OSBPL11: variants seen among roughly 807,000 people sequenced by gnomAD.
The protein encoded by OSBPL11 is oxysterol-binding protein-related protein 11.
A neutral mutation model predicts 84.4 loss-of-function variants in OSBPL11; 33 were observed. The ratio of observed to expected loss-of-function variants is 0.39; its 90% confidence interval spans 0.30 to 0.52. OSBPL11 has a LOEUF of 0.52. Ranked by LOEUF, OSBPL11 falls within the 20% of genes least tolerant of loss-of-function variation. The pLI is 0.72. For synonymous variants in OSBPL11, 276 were observed against 310.2 expected, an observed-to-expected ratio of 0.89 and a Z score of 1.16; for missense variants, 736 against 901.1, an observed-to-expected ratio of 0.82 and a Z score of 2.35.
chr3:125,537,820 A>T (rs1414678796), intron 11 of OSBPL11, among the ~76,000 whole-genome samples: 1 of 152,174 alleles, frequency 6.6e-6, no homozygotes, highest in African/African-American at 2.4e-5. Context: ...ACCACTGTCA[A>T]CACATTTTGG....
chr3:125,563,390 G>A (rs941450326), intron 7 of OSBPL11, among the ~76,000 whole-genome samples: 22 of 152,046 alleles, frequency 1.4e-4, no homozygotes, highest in Non-Finnish European at 4.4e-5. Flanking sequence ...GACAAACATT[G>A]TGCAAATCTC....
At position 125,529,138 on chromosome 3, in the gene OSBPL11, C is replaced by G. The variant is rs1935520161; in HGVS notation, c.*1377G>C. ...CAACAGACACAGCCACCTACAATGG[C>G]TGATAAACAACAGGTATGTTACACA... On this transcript the variant is annotated 3_prime_UTR_variant, in exon 13 of 13. Coordinates refer to ENST00000296220, the MANE Select transcript of OSBPL11 (RefSeq NM_022776.5). The G allele has an allele frequency of 2.6e-5, 4 of 152,694 alleles. No individual in the cohort carries two copies. The South Asian group carries it at 8.3e-4, about 32-fold the overall frequency. 9.5% of individuals were successfully genotyped at this position (152,694 alleles called of 1,614,324 possible). A position where few individuals can be genotyped will look rare whatever the true frequency, so the allele number is the denominator to read the frequency against.
At chr3:125,542,208 C>T (rs11916040) in intron 10 of OSBPL11, among the ~76,000 whole-genome samples, 10,160 of 152,168 alleles carry the variant, frequency 0.067, 459 homozygotes, top group Non-Finnish European at 0.098. Flanking sequence ...AAAGGCAGAG[C>T]TTAGGAATTT....
chr3:125,563,589 TG>T, intron 7 of OSBPL11, 108 bp downstream of exon 7: 1 of 1,019,802 alleles, frequency 9.8e-7, no homozygotes, highest in Non-Finnish European at 1.5e-6. Flanking sequence ...TCAAGAGTGT[TG>T]CTCAGGTGTT....
At chr3:125,568,383 A>T (rs1936192583) in intron 5 of OSBPL11, among the ~76,000 whole-genome samples, 1 of 151,564 alleles carries the variant, frequency 6.6e-6, no homozygotes, top group Non-Finnish European at 1.5e-5. Context: ...GTGAGCCAAG[A>T]TCGCGCCACT....
At chr3:125,570,453 G>A (rs567623900) in intron 5 of OSBPL11, among the ~76,000 whole-genome samples, 1 of 152,162 alleles carries the variant, frequency 6.6e-6, no homozygotes, top group East Asian at 1.9e-4. Flanking sequence ...AGAGTTCGAG[G>A]CTGCAGTGAG....
chr3:125,540,328 CA>C (rs201858368), intron 10 of OSBPL11, among the ~76,000 whole-genome samples: 94 of 85,288 alleles, frequency 1.1e-3, no homozygotes, highest in African/African-American at 4.5e-3. Flanking sequence ...GGCTCTGTCT[CA>C]AAAAAAAAAA....
At chr3:125,560,261 C>A (rs941585986) in intron 8 of OSBPL11, 118 bp downstream of exon 8, 3 of 991,578 alleles carry the variant, frequency 3.0e-6, no homozygotes, top group Non-Finnish European at 4.0e-6. Flanking sequence ...AACTCCATCT[C>A]AAAAAAAATT....
Position 125,594,739 on chromosome 3 carries a change from C to T in OSBPL11, c.62G>A (p.Gly21Asp). The T allele has an allele frequency of 6.2e-7, 1 of 1,614,202 alleles. No individual in the cohort carries two copies. The highest frequency in any genetic ancestry group is 8.5e-7 in the Non-Finnish European group (1 of 1,180,044). The change falls in exon 1 of 13, where the codon GGC (glycine) becomes GAC (aspartate). Residue 21 changes from glycine to aspartate, a missense_variant. Around this residue, in one of 3 missense-constraint regions of OSBPL11, gnomAD observed 114 missense variants for 104.9 expected, o/e 1.09. Transcript: ENST00000296220. ...GTTCGGGGTCACCGCTGTGGCCTGG[C>T]CCTCCAGCTTTCCTTCGCTCTCCGA... ...KVSESEGKLE[G>D]QATAVTPNKN...
chr3:125,585,150 C>T (rs947202360), intron 1 of OSBPL11, among the ~76,000 whole-genome samples: 2 of 151,928 alleles, frequency 1.3e-5, no homozygotes, highest in Non-Finnish European at 2.9e-5. Flanking sequence ...TTTTTAATTG[C>T]GACAGAGTCT....
chr3:125,556,598 G>A (rs1241242511), intron 8 of OSBPL11, among the ~76,000 whole-genome samples: 3 of 152,098 alleles, frequency 2.0e-5, no homozygotes, highest in Non-Finnish European at 1.5e-5. Context: ...CACAAGAAAG[G>A]GCTCTTCTAA....
At chr3:125,544,070 ATTT>A (rs35835902) in intron 10 of OSBPL11, among the ~76,000 whole-genome samples, 18 of 136,792 alleles carry the variant, frequency 1.3e-4, no homozygotes, top group Admixed American at 2.2e-4. Flanking sequence ...ATGAACCAAG[ATTT>A]TTTTTTTTTT....
At chr3:125,591,726 A>G (rs1462581552) in intron 1 of OSBPL11, among the ~76,000 whole-genome samples, 2 of 152,230 alleles carry the variant, frequency 1.3e-5, no homozygotes, top group African/African-American at 4.8e-5. Flanking sequence ...ATTTGGGGGT[A>G]ATTTGTAATG....
chr3:125,577,625 C>T (rs187130218), intron 4 of OSBPL11, among the ~76,000 whole-genome samples: 6 of 151,992 alleles, frequency 3.9e-5, no homozygotes, highest in African/African-American at 7.2e-5. Flanking sequence ...CTCAAGAGTT[C>T]GAGACCAGCC....
chr3:125,544,070 ATT>A (rs35835902), intron 10 of OSBPL11, among the ~76,000 whole-genome samples: 9,253 of 136,600 alleles, frequency 0.068, 334 homozygotes, highest in Non-Finnish European at 0.099. Flanking sequence ...ATGAACCAAG[ATT>A]TTTTTTTTTT....
At chr3:125,543,429 G>A (rs1380165339) in intron 10 of OSBPL11, among the ~76,000 whole-genome samples, 1 of 151,858 alleles carries the variant, frequency 6.6e-6, no homozygotes. Flanking sequence ...ACCGCGCCCA[G>A]CCTAGTAAGA....
At chr3:125,549,139 A>G (rs771242264) in intron 9 of OSBPL11, among the ~76,000 whole-genome samples, 1 of 152,092 alleles carries the variant, frequency 6.6e-6, no homozygotes, top group Admixed American at 6.5e-5. Context: ...CTCCTGCCTC[A>G]GCCTCCCAAG....
At chr3:125,592,056 C>T in intron 1 of OSBPL11, among the ~76,000 whole-genome samples, 1 of 101,216 alleles carries the variant, frequency 9.9e-6, no homozygotes, top group South Asian at 2.7e-4. Flanking sequence ...TTCATGAAAA[C>T]AACTATTTAT....
intron 5 of OSBPL11, among the ~76,000 whole-genome samples, chr3:125,571,875 A>G (rs1936247715): frequency 6.6e-6 from 1 of 152,260 alleles, no homozygotes; most frequent in Non-Finnish European, 1.5e-5. Context: ...GCCCCCACAC[A>G]GAGTCCCTAC....
Sources: allele counts gnomAD v4.1 joint callset (sites outside exome capture counted in the v4.1 genomes callset), GRCh38; gene constraint gnomAD v4.1.1; regional missense constraint gnomAD v4.1.1; transcripts MANE v1.5; gene names NCBI Gene and HGNC (gene_info 2026-07-23, HGNC 2026-07-21).